NALF1: variants seen among roughly 807,000 people sequenced by gnomAD.
The protein encoded by NALF1 is family with sequence similarity 155 member A.
NALF1 carries 3 observed loss-of-function variants against 48.4 expected under a neutral mutation model. The observed-to-expected ratio is 0.06, with a 90% CI of 0.03 to 0.16. The LOEUF (loss-of-function observed/expected upper bound fraction) is 0.16, where lower values mean the gene tolerates loss of function less well. Among genes scored for constraint, NALF1 ranks in the 10% least tolerant of loss-of-function variants. The pLI, the probability that NALF1 is intolerant of heterozygous loss-of-function variation, is 1.00. For missense variants in NALF1, 526 were observed against 571.5 expected (o/e 0.92, Z 0.81); for synonymous variants, 262 against 245.7 (o/e 1.07, Z -0.62).
intron 2 of NALF1, among the ~76,000 whole-genome samples, chr13:107,209,525 A>C (rs1306389570): frequency 6.6e-6 from 1 of 152,030 alleles, no homozygotes; most frequent in South Asian, 2.1e-4. Flanking sequence ...AGAAATACTC[A>C]TCCAGTTCTT....
At chr13:107,475,368 G>C (rs1347320523) in intron 1 of NALF1, among the ~76,000 whole-genome samples, 1 of 152,176 alleles carries the variant, frequency 6.6e-6, no homozygotes, top group Non-Finnish European at 1.5e-5. Context: ...TTGAAGGTTT[G>C]CGTTAGTTTT....
chr13:107,270,764 T>G (rs1220238118), intron 1 of NALF1, among the ~76,000 whole-genome samples: 5 of 151,842 alleles, frequency 3.3e-5, no homozygotes, highest in Non-Finnish European at 5.9e-5. Context: ...GCTGCACCCA[T>G]TAACTCGTCA....
At chr13:107,299,188 T>C (rs1286329629) in intron 1 of NALF1, among the ~76,000 whole-genome samples, 1 of 152,244 alleles carries the variant, frequency 6.6e-6, no homozygotes, top group East Asian at 1.9e-4. Flanking sequence ...AATGTTGTCC[T>C]TCTCAGCGCA....
At chr13:107,754,582 A>T (rs1450694128) in intron 1 of NALF1, among the ~76,000 whole-genome samples, 1 of 152,064 alleles carries the variant, frequency 6.6e-6, no homozygotes, top group Non-Finnish European at 1.5e-5. Context: ...ACTTTCCAAA[A>T]TCTGTCTTGA....
At chr13:107,654,310 C>T (rs1447470597) in intron 1 of NALF1, among the ~76,000 whole-genome samples, 1 of 152,152 alleles carries the variant, frequency 6.6e-6, no homozygotes, top group Non-Finnish European at 1.5e-5. Context: ...TTTTGCATTA[C>T]TTTTAATGGC....
At chr13:107,449,530 T>A (rs115573068) in intron 1 of NALF1, among the ~76,000 whole-genome samples, 1 of 152,216 alleles carries the variant, frequency 6.6e-6, no homozygotes, top group Non-Finnish European at 1.5e-5. Context: ...AAATATAGCA[T>A]GCCTTTTAAA....
Position 107,866,630 on chromosome 13 carries a change from C to T in NALF1, c.-34G>A. 1 of 1,558,434 alleles carries T rather than the reference C, an allele frequency of 6.4e-7. No individual in the cohort carries two copies. Among genetic ancestry groups the T allele is most frequent in the South Asian group, 1.2e-5 (1 of 85,354 alleles). ...AACGCACAGCCCTGGCCGACTCCAC[C>T]GTGAGGGCGCCTGTGCCGGTGTCAC... On this transcript the variant is annotated 5_prime_UTR_variant, in exon 1 of 3. Transcript: ENST00000375915. The surrounding 1 kb of genome is among the most constrained non-coding windows in gnomAD (Gnocchi z 4.4).
chr13:107,527,233 T>C (rs1178250027), intron 1 of NALF1, among the ~76,000 whole-genome samples: 2 of 152,118 alleles, frequency 1.3e-5, no homozygotes, highest in Non-Finnish European at 2.9e-5. Context: ...TGTGGAAGCA[T>C]GAGTGGATTT....
At chr13:107,329,756 T>C (rs1882434541) in intron 1 of NALF1, among the ~76,000 whole-genome samples, 1 of 151,496 alleles carries the variant, frequency 6.6e-6, no homozygotes, top group African/African-American at 2.4e-5. Context: ...ACATGCGGTG[T>C]TTGGCTTTTG....
chr13:107,274,911 T>A (rs1174354350), intron 1 of NALF1, among the ~76,000 whole-genome samples: 1 of 152,066 alleles, frequency 6.6e-6, no homozygotes, highest in Non-Finnish European at 1.5e-5. Context: ...AGGGAGGGAT[T>A]TGAGAAATGT....
intron 1 of NALF1, among the ~76,000 whole-genome samples, chr13:107,368,664 T>C (rs1236469259): frequency 2.0e-5 from 3 of 152,244 alleles, no homozygotes; most frequent in Admixed American, 6.5e-5. Flanking sequence ...CTTCCACCTG[T>C]GTCTCTTATA....
At position 107,362,289 on chromosome 13, in the gene NALF1, A is replaced by G. The variant is rs1027802286; in HGVS notation, c.916-151534T>C. ...TTCATTTTCTAGGGCGTGCTGTAAC[A>G]AACTATGATCAACTGAGTAGCTGAA... On this transcript the variant is annotated intron_variant, in intron 1 of 2. Coordinates refer to ENST00000375915, the MANE Select transcript of NALF1 (RefSeq NM_001080396.3). This position sits in a 1 kb window ranked among gnomAD's most constrained non-coding sequence, Gnocchi z 4.6. Among the ~76,000 whole-genome samples the G allele has an allele frequency of 2.6e-5, 4 of 152,180 alleles. No homozygotes were observed. The highest frequency in any genetic ancestry group is 9.6e-5 in the African/African-American group (4 of 41,452).
rs776603795 is a variant in NALF1 at position 107,866,525 on chromosome 13, C to G, written c.72G>C (p.Glu24Asp). The G allele has an allele frequency of 3.7e-5, 60 of 1,613,756 alleles. No homozygotes were observed. The highest frequency in any genetic ancestry group is 5.3e-5 in the African/African-American group (4 of 74,926). Residue 24 changes from glutamate (E) to aspartate (D), a missense_variant, in exon 1 of 3, where the codon GAG becomes GAC. Glu to Asp is a conservative substitution (Grantham distance 45, BLOSUM62 2). Transcript: ENST00000375915. The surrounding 1 kb of genome is among the most constrained non-coding windows in gnomAD (Gnocchi z 4.4). The stretch of plus-strand genomic sequence containing the variant: ...CGGAATCGATGAACGGTTTCTCGTT[C>G]TCTCGGGGTGCTGCCAACCAGATTT... ...GLKIWLAAPRENEKPFIDSER... is the reference protein window; with the variant it reads ...GLKIWLAAPRDNEKPFIDSER...
At chr13:107,354,966 G>A (rs892524867) in intron 1 of NALF1, among the ~76,000 whole-genome samples, 8 of 152,160 alleles carry the variant, frequency 5.3e-5, no homozygotes, top group African/African-American at 1.2e-4. Context: ...ACCCTAGGAC[G>A]TCACTCAAGG....
chr13:107,490,792 C>T (rs942410343), intron 1 of NALF1, among the ~76,000 whole-genome samples: 3 of 151,868 alleles, frequency 2.0e-5, no homozygotes, highest in South Asian at 4.2e-4. Context: ...TGTAGAAACA[C>T]AATATAATAT....
intron 1 of NALF1, among the ~76,000 whole-genome samples, chr13:107,808,507 T>C (rs566263164): frequency 6.6e-5 from 10 of 152,214 alleles, no homozygotes; most frequent in Non-Finnish European, 1.0e-4. Context: ...TTAACTTCAA[T>C]AGCTCTTCTT....
chr13:107,420,825 C>G (rs571018351), intron 1 of NALF1, among the ~76,000 whole-genome samples: 2 of 152,200 alleles, frequency 1.3e-5, no homozygotes, highest in African/African-American at 4.8e-5. Context: ...ACATTGTATC[C>G]ATTAATTAAT....
chr13:107,856,343 C>G (rs1183181406), intron 1 of NALF1, among the ~76,000 whole-genome samples: 1 of 152,106 alleles, frequency 6.6e-6, no homozygotes, highest in African/African-American at 2.4e-5. Context: ...CTTCTCCTTC[C>G]CAGCACCACC....
intron 1 of NALF1, among the ~76,000 whole-genome samples, chr13:107,303,956 T>A (rs1881888397): frequency 6.6e-6 from 1 of 152,170 alleles, no homozygotes; most frequent in African/African-American, 2.4e-5. Context: ...AAATATAATC[T>A]ATTTCTCTGG....
Sources: allele counts gnomAD v4.1 joint callset (sites outside exome capture counted in the v4.1 genomes callset), GRCh38; gene constraint gnomAD v4.1.1; non-coding constraint Gnocchi (gnomAD v3.1); transcripts MANE v1.5; gene names NCBI Gene and HGNC (gene_info 2026-07-23, HGNC 2026-07-21).